Variants in ARFIP1 observed in about 807,000 individuals in gnomAD.
ARFIP1 encodes ARF interacting protein 1, also known as arfaptin-1.
A neutral mutation model predicts 42.5 loss-of-function variants in ARFIP1; 24 were observed. The observed-to-expected ratio is 0.57, with a 90% CI of 0.41 to 0.80. The LOEUF (loss-of-function observed/expected upper bound fraction) is 0.80, where lower values mean the gene tolerates loss of function less well. Ranked by LOEUF, ARFIP1 falls within the 30% of genes least tolerant of loss-of-function variation. ARFIP1 has a pLI of 0.00. For missense variants in ARFIP1, 354 were observed against 434.0 expected, an observed-to-expected ratio of 0.82 and a Z score of 1.64; for synonymous variants, 141 against 153.7, an observed-to-expected ratio of 0.92 and a Z score of 0.61.
chr4:152,790,814 A>T (rs1286648082), intron 1 of ARFIP1, among the ~76,000 whole-genome samples: 1 of 147,662 alleles, frequency 6.8e-6, no homozygotes, highest in South Asian at 2.2e-4. Flanking sequence ...GCTTACTGCA[A>T]CCTCTGCCTC....
chr4:152,833,032 TAAAC>T (rs945721782), intron 2 of ARFIP1, among the ~76,000 whole-genome samples: 7 of 151,866 alleles, frequency 4.6e-5, no homozygotes, highest in Non-Finnish European at 4.4e-5. Flanking sequence ...AACAAAAAAA[TAAAC>T]AAGTGGGACT....
intron 2 of ARFIP1, among the ~76,000 whole-genome samples, chr4:152,830,339 T>C (rs1337889428): frequency 6.6e-6 from 1 of 152,190 alleles, no homozygotes; most frequent in African/African-American, 2.4e-5. Flanking sequence ...TTCTAATCTC[T>C]ACAATGAATA....
chr4:152,905,640 C>T (rs1388491546), intron 8 of ARFIP1, among the ~76,000 whole-genome samples: 1 of 146,174 alleles, frequency 6.8e-6, no homozygotes, highest in Admixed American at 7.1e-5. Context: ...GCAGTCTCCA[C>T]CTCCCGGGTT....
chr4:152,868,073 CTA>C (rs1245903605), intron 3 of ARFIP1, among the ~76,000 whole-genome samples: 3 of 152,208 alleles, frequency 2.0e-5, no homozygotes, highest in Non-Finnish European at 4.4e-5. Context: ...TAAATTATGA[CTA>C]TTGCTTAAAC....
At chr4:152,825,335 G>C (rs117700720) in intron 1 of ARFIP1, among the ~76,000 whole-genome samples, 1 of 152,108 alleles carries the variant, frequency 6.6e-6, no homozygotes, top group Admixed American at 6.5e-5. Context: ...AAACAGTGTG[G>C]TACTGGCATA....
chr4:152,886,264 A>G (rs1736253199), intron 7 of ARFIP1, among the ~76,000 whole-genome samples: 1 of 152,048 alleles, frequency 6.6e-6, no homozygotes, highest in East Asian at 1.9e-4. Context: ...TCCTGATACA[A>G]TCATGTCATT....
chr4:152,842,026 G>A (rs763791865), intron 2 of ARFIP1, among the ~76,000 whole-genome samples: 1 of 152,106 alleles, frequency 6.6e-6, no homozygotes, highest in South Asian at 2.1e-4. Context: ...GGACTAGCTG[G>A]ATTTCCTAGG....
At chr4:152,891,779 G>C (rs1387257741) in intron 8 of ARFIP1, among the ~76,000 whole-genome samples, 1 of 152,136 alleles carries the variant, frequency 6.6e-6, no homozygotes, top group Admixed American at 6.5e-5. Context: ...TGTAATCTCT[G>C]CTTACTGCAA....
At chr4:152,857,892 A>C (rs1391423012) in intron 2 of ARFIP1, among the ~76,000 whole-genome samples, 1 of 152,190 alleles carries the variant, frequency 6.6e-6, no homozygotes, top group Admixed American at 6.5e-5. Flanking sequence ...ACATCAGTCT[A>C]TGTGGGCAGG....
At chr4:152,797,948 T>C (rs571571430) in intron 1 of ARFIP1, among the ~76,000 whole-genome samples, 142 of 152,280 alleles carry the variant, frequency 9.3e-4, no homozygotes, top group African/African-American at 3.4e-3. Flanking sequence ...CTAATACCGC[T>C]GGTATGATGT....
intron 7 of ARFIP1, chr4:152,883,178 A>G (rs1456003370): frequency 3.7e-6 from 1 of 268,468 alleles, no homozygotes; most frequent in Non-Finnish European, 7.0e-6. Context: ...AATACCCATG[A>G]ATACTTGCTT....
rs1738864764 is a variant in ARFIP1 at position 152,911,728 on chromosome 4, A to C, written c.*1509A>C. 1 of 152,622 alleles carries C rather than the reference A, an allele frequency of 6.6e-6. No individual in the cohort carries two copies. 9.5% of individuals were successfully genotyped at this position (152,622 alleles called of 1,614,324 possible). On this transcript the variant is annotated 3_prime_UTR_variant, in exon 9 of 9. Transcript: ENST00000353617. ...ATTAATATGCCTGTTTTGAGTGCTT[A>C]ATACAATGTAATGTGATTGTAAATC...
intron 3 of ARFIP1, among the ~76,000 whole-genome samples, chr4:152,866,474 C>G (rs1245653917): frequency 1.3e-5 from 2 of 150,008 alleles, no homozygotes; most frequent in East Asian, 4.1e-4. Flanking sequence ...ACCTCCCGGA[C>G]GGGGCAGCTG....
chr4:152,826,649 A>G (rs1020307730), intron 1 of ARFIP1, among the ~76,000 whole-genome samples: 4 of 152,204 alleles, frequency 2.6e-5, no homozygotes, highest in African/African-American at 9.7e-5. Flanking sequence ...TAAAAAATAG[A>G]ATTACAGTAT....
intron 1 of ARFIP1, among the ~76,000 whole-genome samples, chr4:152,803,510 C>A (rs1241884198): frequency 6.6e-6 from 1 of 152,134 alleles, no homozygotes; most frequent in African/African-American, 2.4e-5. Flanking sequence ...GCTATAACAA[C>A]CAGACATTGC....
intron 2 of ARFIP1, among the ~76,000 whole-genome samples, chr4:152,835,011 A>G (rs752664971): frequency 1.1e-4 from 16 of 152,006 alleles, no homozygotes; most frequent in Non-Finnish European, 2.4e-4. Context: ...GGCCCACAAA[A>G]CCATTCTTTT....
In ARFIP1 at chr4:152,888,191, G is replaced by A. The variant is rs752375327; in HGVS notation, c.850G>A (p.Ala284Thr). 1.6e-5 allele frequency: 26 copies of A among 1,611,754 alleles called. No homozygotes were observed. The highest frequency in any genetic ancestry group is 4.5e-5 in the East Asian group (2 of 44,810). ...AGAACTGAATCTTGGACCACGTGAC[G>A]CAAACACTCTGCCAAAGATTGAGCA... ...LEELNLGPRD[A>T]NTLPKIEQSQ... Residue 284 changes from alanine to threonine, a missense_variant, in exon 8 of 9, where the codon GCA becomes ACA. Ala to Thr is a moderately conservative substitution (Grantham distance 58). Coordinates refer to ENST00000353617, the MANE Select transcript of ARFIP1 (RefSeq NM_001025595.3).
intron 1 of ARFIP1, among the ~76,000 whole-genome samples, chr4:152,804,421 A>G (rs1728813097): frequency 9.3e-6 from 1 of 107,688 alleles, no homozygotes; most frequent in Non-Finnish European, 1.7e-5. Context: ...TGTATTATAT[A>G]TTATATATAA....
chr4:152,793,300 G>A (rs1287329833), intron 1 of ARFIP1, among the ~76,000 whole-genome samples: 5 of 114,098 alleles, frequency 4.4e-5, no homozygotes, highest in African/African-American at 1.3e-4. Flanking sequence ...CAACAAGAGC[G>A]AAACTCCGTC....
Sources: gnomAD v4.1 joint callset for allele counts (sites outside exome capture counted in the v4.1 genomes callset) on GRCh38, gnomAD v4.1.1 for gene constraint, MANE v1.5 for transcripts, NCBI Gene and HGNC (gene_info 2026-07-23, HGNC 2026-07-21) for gene names.